HAVCR1: variants seen among roughly 807,000 people sequenced by gnomAD.
The protein encoded by HAVCR1 is hepatitis A virus cellular receptor 1.
HAVCR1 carries 34 observed loss-of-function variants against 32.0 expected under a neutral mutation model. The observed-to-expected ratio is 1.06, with a 90% CI of 0.81 to 1.42. The LOEUF is 1.42. HAVCR1 is among the 40% of genes most tolerant of loss of function. HAVCR1 has a pLI of 0.00. For synonymous variants in HAVCR1, 178 were observed against 170.3 expected, an observed-to-expected ratio of 1.05 and a Z score of -0.35; for missense variants, 420 against 442.3, an observed-to-expected ratio of 0.95 and a Z score of 0.45.
upstream of HAVCR1, among the ~76,000 whole-genome samples, chr5:157,062,109 G>A (rs1227546660): frequency 6.6e-6 from 1 of 152,184 alleles, no homozygotes; most frequent in East Asian, 1.9e-4. Context: ...CAGTTGTAGG[G>A]TAAAGCTGGA....
the HAVCR1 span, among the ~76,000 whole-genome samples, chr5:157,065,449 T>C: frequency 6.6e-6 from 1 of 152,222 alleles, no homozygotes; most frequent in African/African-American, 2.4e-5. Flanking sequence ...ACAAGCATGT[T>C]GACTCATGCA....
At chr5:157,037,075 TC>T (rs773796027) in intron 7 of HAVCR1, 171 bp downstream of exon 7, 14 of 612,348 alleles carry the variant, frequency 2.3e-5, no homozygotes, top group Non-Finnish European at 4.1e-5. Context: ...AAACTTCATT[TC>T]CCTTCCCCCT....
chr5:157,065,582 T>TGGCG, the HAVCR1 span, among the ~76,000 whole-genome samples: 2 of 152,080 alleles, frequency 1.3e-5, no homozygotes, highest in Non-Finnish European at 1.5e-5. Flanking sequence ...AGGCCGGGTG[T>TGGCG]GGCGACTCAC....
chr5:157,055,685 G>A (rs1334944460), intron 2 of HAVCR1, 152 bp from the exon 3 acceptor site: 4 of 523,168 alleles, frequency 7.6e-6, no homozygotes, highest in Non-Finnish European at 1.4e-5. Flanking sequence ...AGCCAACATG[G>A]CAAAACCCGA....
the HAVCR1 span, among the ~76,000 whole-genome samples, chr5:157,066,582 A>T: frequency 6.6e-6 from 1 of 151,568 alleles, no homozygotes; most frequent in Non-Finnish European, 1.5e-5. Context: ...TAAAAATAAC[A>T]GCATGTTTGT....
chr5:157,044,898 C>G (rs972803195), intron 5 of HAVCR1, among the ~76,000 whole-genome samples: 1 of 152,050 alleles, frequency 6.6e-6, no homozygotes, highest in African/African-American at 2.4e-5. Context: ...AACTTTGATA[C>G]TCAAGGTCCT....
chr5:157,067,663 T>TTCTCTC, the HAVCR1 span, among the ~76,000 whole-genome samples: 13,292 of 150,504 alleles, frequency 0.088, 704 homozygotes, highest in East Asian at 0.14. Context: ...ACCAGACCCT[T>TTCTCTC]TCTCTCTCTC....
At chr5:157,049,847 C>T (rs960891775) in intron 4 of HAVCR1, among the ~76,000 whole-genome samples, 15 of 152,196 alleles carry the variant, frequency 9.9e-5, no homozygotes, top group African/African-American at 2.9e-4. Context: ...TGTTTTCTGA[C>T]TCATCTTACA....
At chr5:157,055,962 T>G (rs1317276652) in intron 2 of HAVCR1, among the ~76,000 whole-genome samples, 1 of 152,168 alleles carries the variant, frequency 6.6e-6, no homozygotes, top group Non-Finnish European at 1.5e-5. Flanking sequence ...TTTTTATTTT[T>G]TTAAGACAGA....
chr5:157,038,007 GA>G (rs1754642272), intron 6 of HAVCR1, among the ~76,000 whole-genome samples: 1 of 36,262 alleles, frequency 2.8e-5, no homozygotes, highest in African/African-American at 1.7e-4. Flanking sequence ...ACTCCATCTC[GA>G]AAAAAAGAAA....
chr5:157,062,429 C>T (rs1019773853), upstream of HAVCR1, among the ~76,000 whole-genome samples: 3 of 152,266 alleles, frequency 2.0e-5, no homozygotes, highest in East Asian at 5.8e-4. Context: ...TTGCAATCAC[C>T]ACTTACTTCC....
intron 2 of HAVCR1, 63 bp from the exon 3 acceptor site, chr5:157,055,596 T>C: frequency 9.6e-7 from 1 of 1,044,008 alleles, no homozygotes; most frequent in Non-Finnish European, 1.4e-6. Context: ...CTGGGCACAA[T>C]GGCTCACGCC....
At chr5:157,054,070 G>C (rs1016605476) in intron 3 of HAVCR1, among the ~76,000 whole-genome samples, 5 of 151,212 alleles carry the variant, frequency 3.3e-5, no homozygotes, top group African/African-American at 4.9e-5. Flanking sequence ...TGTAGTCCCA[G>C]CTACTCAGGA....
rs192379380 is a variant in HAVCR1, at chr5:157,030,686, G to C, written c.987-845C>G. Among the ~76,000 whole-genome samples, 19 of 152,290 alleles carry C rather than the reference G, an allele frequency of 1.2e-4. No homozygotes were observed. In the East Asian group the frequency reaches 3.5e-3, roughly 28 times the overall value. ...GTAGAAACAGTGGAAATACAAGTGAGGGAAGAAAGTAGACTTAGTTTTAAC... is the reference window on the plus strand; with the variant it reads ...GTAGAAACAGTGGAAATACAAGTGACGGAAGAAAGTAGACTTAGTTTTAAC... On this transcript the variant is annotated intron_variant, in intron 8 of 8. Coordinates refer to ENST00000523175, the MANE Select transcript of HAVCR1 (RefSeq NM_001173393.3).
chr5:157,053,382 T>TTAA (rs1554092186), intron 3 of HAVCR1, among the ~76,000 whole-genome samples: 1 of 116,816 alleles, frequency 8.6e-6, no homozygotes, highest in Non-Finnish European at 1.7e-5. Context: ...GACCCTGTCT[T>TTAA]AAAAAAAAAA....
chr5:157,038,997 T>C (rs927500421), intron 6 of HAVCR1, among the ~76,000 whole-genome samples: 1 of 152,030 alleles, frequency 6.6e-6, no homozygotes, highest in Admixed American at 6.6e-5. Flanking sequence ...TGCATGCCTG[T>C]GGTCCCAGCT....
chr5:157,048,097 C>A (rs1243582868), intron 5 of HAVCR1, among the ~76,000 whole-genome samples: 1 of 152,116 alleles, frequency 6.6e-6, no homozygotes, highest in East Asian at 1.9e-4. Context: ...CCCTTAATAG[C>A]GAGGACACAA....
chr5:157,041,827 G>T (rs1435644699), intron 6 of HAVCR1, among the ~76,000 whole-genome samples: 2 of 152,184 alleles, frequency 1.3e-5, no homozygotes, highest in Non-Finnish European at 1.5e-5. Flanking sequence ...GGGAGGCCGA[G>T]GCGGGTAGAT....
At chr5:157,056,183 G>A (rs955255928) in intron 2 of HAVCR1, among the ~76,000 whole-genome samples, 2 of 151,744 alleles carry the variant, frequency 1.3e-5, no homozygotes, top group Non-Finnish European at 2.9e-5. Flanking sequence ...ACCCACCTGA[G>A]CATCCCAAAG....
Sources: gnomAD v4.1 joint callset for allele counts (sites outside exome capture counted in the v4.1 genomes callset) on GRCh38, gnomAD v4.1.1 for gene constraint, MANE v1.5 for transcripts, NCBI Gene and HGNC (gene_info 2026-07-23, HGNC 2026-07-21) for gene names.